PTPRT: variants seen among roughly 807,000 people sequenced by gnomAD.
The protein encoded by PTPRT is receptor-type tyrosine-protein phosphatase T.
PTPRT carries 56 observed loss-of-function variants against 176.8 expected under a neutral mutation model. That is an observed-to-expected ratio of 0.32 (90% CI 0.26 to 0.40). PTPRT has a LOEUF of 0.40. Among genes scored for constraint, PTPRT ranks in the 10% least tolerant of loss-of-function variants. PTPRT has a pLI of 1.00. For missense variants in PTPRT, 1,540 were observed against 1,908.2 expected, an observed-to-expected ratio of 0.81 and a Z score of 3.60; for synonymous variants, 783 against 739.0, an observed-to-expected ratio of 1.06 and a Z score of -0.96.
chr20:42,818,753 T>C (rs1351287176), intron 2 of PTPRT, among the ~76,000 whole-genome samples: 1 of 152,080 alleles, frequency 6.6e-6, no homozygotes, highest in East Asian at 1.9e-4. Context: ...TTGTGAAGCA[T>C]ACACAAGCAT....
intron 9 of PTPRT, among the ~76,000 whole-genome samples, chr20:42,355,707 A>C (rs2058349406): frequency 1.3e-5 from 2 of 152,190 alleles, no homozygotes; most frequent in African/African-American, 4.8e-5. Context: ...CACCAACCCC[A>C]GTGCACCAGT....
chr20:43,144,944 T>C (rs900064983), intron 1 of PTPRT, among the ~76,000 whole-genome samples: 1 of 152,206 alleles, frequency 6.6e-6, no homozygotes, highest in African/African-American at 2.4e-5. Context: ...CCTCTGATGC[T>C]ACAGCATACC....
intron 9 of PTPRT, among the ~76,000 whole-genome samples, chr20:42,355,975 A>G (rs780157725): frequency 6.6e-6 from 1 of 152,138 alleles, no homozygotes; most frequent in Non-Finnish European, 1.5e-5. Context: ...ATGAAACACT[A>G]TGAATAAATC....
In PTPRT at chr20:42,611,286, G is replaced by T. The variant is rs751369225; in HGVS notation, c.1153+66580C>A. Among the ~76,000 whole-genome samples the T allele has an allele frequency of 7.9e-5, 12 of 152,198 alleles. No homozygotes were observed. In the South Asian group the frequency reaches 1.2e-3, roughly 16 times the overall value. On this transcript the variant is annotated intron_variant, in intron 7 of 30. Coordinates refer to ENST00000373187, the MANE Select transcript of PTPRT (RefSeq NM_007050.6). Reference sequence around the variant, plus strand: ...TGACCATGTTACACTCACAACAACAGTGTATGAGGATCCAATTTTTTCACA... The same window carrying T: ...TGACCATGTTACACTCACAACAACATTGTATGAGGATCCAATTTTTTCACA...
chr20:43,158,395 T>C (rs149738770), intron 1 of PTPRT, among the ~76,000 whole-genome samples: 1 of 152,306 alleles, frequency 6.6e-6, no homozygotes, highest in East Asian at 1.9e-4. Flanking sequence ...CAGTTAAATA[T>C]TGGAGGCAAG....
intron 3 of PTPRT, among the ~76,000 whole-genome samples, chr20:42,785,119 C>G (rs2077269980): frequency 6.6e-6 from 1 of 152,176 alleles, no homozygotes; most frequent in Non-Finnish European, 1.5e-5. Flanking sequence ...ACTACACCCT[C>G]TAAATACACA....
rs201162919 is a variant in PTPRT, at chr20:42,104,665, G to A, written c.3444C>T (p.Asn1148=). ...DAILEACLCG[N]TAIPVCEFRS... ...GGAACTCACACACAGGGATGGCAGT[G>A]TTGCCACAGAGGCACGCTTCCAGGA... The change falls in exon 25 of 31, where the codon AAC becomes AAT. Residue 1148 remains asparagine, a synonymous_variant. Transcript: ENST00000373187. 2 of 1,595,390 alleles carry A rather than the reference G, an allele frequency of 1.3e-6. No individual in the cohort carries two copies. The highest frequency in any genetic ancestry group is 1.7e-6 in the Non-Finnish European group (2 of 1,162,918).
intron 7 of PTPRT, among the ~76,000 whole-genome samples, chr20:42,583,730 G>A (rs920043724): frequency 4.6e-5 from 7 of 152,118 alleles, no homozygotes; most frequent in Non-Finnish European, 5.9e-5. Flanking sequence ...TTATGTAAAT[G>A]TAAATCTATT....
chr20:42,895,755 T>A (rs377277752), intron 1 of PTPRT, among the ~76,000 whole-genome samples: 2 of 152,364 alleles, frequency 1.3e-5, no homozygotes, highest in East Asian at 1.9e-4. Context: ...TTCTTTTGAT[T>A]CCTAACCATT....
chr20:42,176,814 A>C (rs1040760278), intron 16 of PTPRT, among the ~76,000 whole-genome samples: 1 of 152,224 alleles, frequency 6.6e-6, no homozygotes, highest in Non-Finnish European at 1.5e-5. Context: ...AGAAAATGAA[A>C]TAACTAAACT....
At chr20:42,244,310 C>G (rs754530091) in intron 14 of PTPRT, among the ~76,000 whole-genome samples, 9 of 152,108 alleles carry the variant, frequency 5.9e-5, no homozygotes, top group African/African-American at 2.2e-4. Context: ...TATAAAATAT[C>G]AGAATAGACA....
At chr20:42,056,801 G>A in the PTPRT span, among the ~76,000 whole-genome samples, 4 of 152,204 alleles carry the variant, frequency 2.6e-5, no homozygotes, top group African/African-American at 4.8e-5. Context: ...ATAATCTGGG[G>A]CTGTCTTAGG....
At chr20:42,356,190 T>C (rs1027804645) in intron 9 of PTPRT, among the ~76,000 whole-genome samples, 7 of 152,112 alleles carry the variant, frequency 4.6e-5, no homozygotes, top group Non-Finnish European at 7.3e-5. Flanking sequence ...TAATATAATA[T>C]GAACCTTCAT....
At chr20:42,506,387 T>C (rs1215166840) in intron 7 of PTPRT, among the ~76,000 whole-genome samples, 1 of 152,184 alleles carries the variant, frequency 6.6e-6, no homozygotes, top group Non-Finnish European at 1.5e-5. Context: ...TCAGGTGTAT[T>C]ATCCCAGTTC....
intron 9 of PTPRT, among the ~76,000 whole-genome samples, chr20:42,357,135 G>A (rs2058368691): frequency 6.6e-6 from 1 of 152,178 alleles, no homozygotes; most frequent in Admixed American, 6.5e-5. Flanking sequence ...CAGCCCAGGA[G>A]CTGAAAAAAT....
In PTPRT at chr20:42,075,004, A is replaced by G. The variant is rs191023957; in HGVS notation, c.*5875T>C. Reference sequence around the variant, plus strand: ...AACTGGAGCTAGAACAGCTCCCCCCACACTCCACCACTAACCTCTCTCCCT... The same window carrying G: ...AACTGGAGCTAGAACAGCTCCCCCCGCACTCCACCACTAACCTCTCTCCCT... On this transcript the variant is annotated 3_prime_UTR_variant, in exon 31 of 31. Coordinates refer to ENST00000373187, the MANE Select transcript of PTPRT (RefSeq NM_007050.6). The G allele has an allele frequency of 5.9e-5, 23 of 392,740 alleles. No individual in the cohort carries two copies. In the East Asian group the frequency reaches 6.5e-4, roughly 11 times the overall value. 24.3% of individuals were successfully genotyped at this position (392,740 alleles called of 1,614,324 possible). A position where few individuals can be genotyped will look rare whatever the true frequency, so the allele number is the denominator to read the frequency against.
In PTPRT at chr20:42,677,822, G is replaced by C. The variant is rs1201984783; in HGVS notation, c.1153+44C>G. 3 of 1,576,386 alleles carry C rather than the reference G, an allele frequency of 1.9e-6. No individual in the cohort carries two copies. In the South Asian group the frequency reaches 3.5e-5, roughly 18 times the overall value. The stretch of plus-strand genomic sequence containing the variant: ...AAGAGGAAAGCCAGTCTTGGCAATA[G>C]CACAGCCTCTCATAATGGAGCCTGG... On this transcript the variant is annotated intron_variant, in intron 7 of 30. Coordinates refer to ENST00000373187, the MANE Select transcript of PTPRT (RefSeq NM_007050.6).
intron 7 of PTPRT, among the ~76,000 whole-genome samples, chr20:42,558,260 G>T (rs542757333): frequency 1.3e-5 from 2 of 151,976 alleles, no homozygotes; most frequent in African/African-American, 4.8e-5. Context: ...GTCTTCCAGC[G>T]TTAGTTTTCT....
chr20:42,566,120 A>C (rs2073035861), intron 7 of PTPRT, among the ~76,000 whole-genome samples: 2 of 150,536 alleles, frequency 1.3e-5, no homozygotes, highest in Admixed American at 1.3e-4. Context: ...TTAAAAAAAA[A>C]TAGATTCAAT....
Sources: gnomAD v4.1 joint callset for allele counts (sites outside exome capture counted in the v4.1 genomes callset) on GRCh38, gnomAD v4.1.1 for gene constraint, MANE v1.5 for transcripts, NCBI Gene and HGNC (gene_info 2026-07-23, HGNC 2026-07-21) for gene names.